CGGBP1: variants seen among roughly 807,000 people sequenced by gnomAD.
The protein encoded by CGGBP1 is CGG triplet repeat-binding protein 1.
Under a neutral mutation model 11.4 loss-of-function variants are expected in CGGBP1, and 4 were observed. The ratio of observed to expected loss-of-function variants is 0.35; its 90% CI spans 0.17 to 0.80. CGGBP1 has a LOEUF of 0.80. Among genes scored for constraint, CGGBP1 ranks in the 30% least tolerant of loss-of-function variants. The pLI is 0.52. For synonymous variants in CGGBP1, 76 were observed against 74.1 expected (o/e 1.03, Z -0.13); for missense variants, 135 against 202.1 (o/e 0.67, Z 2.01).
chr3:88,082,311 G>C (rs1708119943), intron 2 of CGGBP1, among the ~76,000 whole-genome samples: 1 of 152,118 alleles, frequency 6.6e-6, no homozygotes, highest in Non-Finnish European at 1.5e-5. Context: ...ATTTTTAGTA[G>C]TGACAGGGTT....
chr3:88,148,280 G>GT (rs1202803800), intron 1 of CGGBP1, among the ~76,000 whole-genome samples: 1 of 152,098 alleles, frequency 6.6e-6, no homozygotes, highest in Non-Finnish European at 1.5e-5. Context: ...TGCAAGCATT[G>GT]TTTTTTGTCC....
intron 2 of CGGBP1, among the ~76,000 whole-genome samples, chr3:88,121,309 T>G (rs1705755846): frequency 6.6e-6 from 1 of 152,088 alleles, no homozygotes; most frequent in African/African-American, 2.4e-5. Context: ...AGTTGAAAAT[T>G]TTTTCAACAG....
chr3:88,130,530 C>A (rs191433797), intron 2 of CGGBP1, among the ~76,000 whole-genome samples: 1 of 152,084 alleles, frequency 6.6e-6, no homozygotes, highest in Admixed American at 6.6e-5. Context: ...TGGCTCACTG[C>A]AGCCTCAACT....
intron 2 of CGGBP1, among the ~76,000 whole-genome samples, chr3:88,073,801 C>T (rs1434115436): frequency 6.6e-6 from 1 of 152,106 alleles, no homozygotes; most frequent in Non-Finnish European, 1.5e-5. Context: ...CTACAATGTA[C>T]ATTTTTATTA....
intron 2 of CGGBP1, among the ~76,000 whole-genome samples, chr3:88,126,549 T>C (rs567509857): frequency 1.7e-4 from 26 of 151,572 alleles, no homozygotes; most frequent in African/African-American, 5.8e-4. Context: ...ACTTCAGTTA[T>C]ATTATTAAAA....
intron 1 of CGGBP1, among the ~76,000 whole-genome samples, chr3:88,147,116 C>A (rs1359351091): frequency 7.2e-5 from 11 of 152,186 alleles, no homozygotes; most frequent in Non-Finnish European, 1.5e-4. Flanking sequence ...TGGATACCTA[C>A]CATGTGCGGG....
At chr3:88,133,326 T>TCC (rs1441027494) in intron 2 of CGGBP1, among the ~76,000 whole-genome samples, 1 of 152,180 alleles carries the variant, frequency 6.6e-6, no homozygotes, top group Non-Finnish European at 1.5e-5. Context: ...CTCTCTTATT[T>TCC]CCAATTCCAT....
chr3:88,114,840 A>G (rs1323498613), intron 2 of CGGBP1, among the ~76,000 whole-genome samples: 1 of 152,126 alleles, frequency 6.6e-6, no homozygotes, highest in Non-Finnish European at 1.5e-5. Context: ...AAAACCTTGT[A>G]TTTTCCAAGC....
At chr3:88,073,058 T>C (rs1707606449) in intron 2 of CGGBP1, among the ~76,000 whole-genome samples, 1 of 152,174 alleles carries the variant, frequency 6.6e-6, no homozygotes, top group Non-Finnish European at 1.5e-5. Flanking sequence ...TGTGAAAAGA[T>C]GGATGGCATG....
intron 2 of CGGBP1, among the ~76,000 whole-genome samples, chr3:88,084,120 G>A (rs1708223275): frequency 6.6e-6 from 1 of 152,112 alleles, no homozygotes; most frequent in Admixed American, 6.5e-5. Context: ...TGGAGGTGTT[G>A]CCCACAAGGA....
intron 3 of CGGBP1, 51 bp from the exon 4 acceptor site, chr3:88,056,050 G>C: frequency 7.4e-7 from 1 of 1,354,898 alleles, no homozygotes; most frequent in Non-Finnish European, 1.0e-6. Context: ...AGTTCATTCT[G>C]GAAGTAATGA....
chr3:88,133,991 A>G (rs565352121), intron 2 of CGGBP1, among the ~76,000 whole-genome samples: 5 of 152,104 alleles, frequency 3.3e-5, no homozygotes, highest in African/African-American at 1.2e-4. Context: ...GGTTCAGGTG[A>G]TGGAAAGCAA....
At position 88,055,311 on chromosome 3, in the gene CGGBP1, G is replaced by T; in HGVS notation, c.*162C>A. ...GTGACTAAAATTAACAATAAGTTTT[G>T]CAGTGAGGTGGTTTTTTTTTTGCCT... On this transcript the variant is annotated 3_prime_UTR_variant, in exon 4 of 4. Coordinates refer to ENST00000482016, the MANE Select transcript of CGGBP1 (RefSeq NM_001008390.2). This position sits in a 1 kb window ranked among gnomAD's most constrained non-coding sequence, Gnocchi z 4.2. The T allele has an allele frequency of 1.8e-6, 1 of 568,616 alleles. No individual in the cohort carries two copies. Among genetic ancestry groups the T allele is most frequent in the Non-Finnish European group, 2.8e-6 (1 of 356,910 alleles). The allele number at this position is 568,616 out of a possible 1,614,324, so 35.2% of individuals were successfully genotyped here. A position where few individuals can be genotyped will look rare whatever the true frequency, so the allele number is the denominator to read the frequency against.
chr3:88,126,346 T>C (rs1706095772), intron 2 of CGGBP1: 4 of 1,278,596 alleles, frequency 3.1e-6, no homozygotes, highest in East Asian at 5.5e-5. Flanking sequence ...AGAGCAGTAA[T>C]AGTAATTTTT....
chr3:88,114,903 T>G (rs1234328934), intron 2 of CGGBP1, among the ~76,000 whole-genome samples: 1 of 152,214 alleles, frequency 6.6e-6, no homozygotes, highest in Non-Finnish European at 1.5e-5. Context: ...CCAATAGTGA[T>G]AAGTGACTAA....
chr3:88,087,012 G>A (rs568256104), intron 2 of CGGBP1, among the ~76,000 whole-genome samples: 1 of 152,224 alleles, frequency 6.6e-6, no homozygotes, highest in Non-Finnish European at 1.5e-5. Context: ...TTGATCTCCT[G>A]ACCTCGTGAT....
upstream of CGGBP1, among the ~76,000 whole-genome samples, chr3:88,061,960 A>G (rs1382083201): frequency 6.6e-6 from 1 of 152,178 alleles, no homozygotes; most frequent in East Asian, 1.9e-4. Flanking sequence ...GGAAATATGA[A>G]TCAAAATTTC....
intron 1 of CGGBP1, among the ~76,000 whole-genome samples, chr3:88,149,046 T>C (rs897915076): frequency 1.3e-5 from 2 of 152,166 alleles, no homozygotes; most frequent in Admixed American, 6.5e-5. Flanking sequence ...TGATCAAAAA[T>C]AGGACTTAAA....
chr3:88,112,967 T>C (rs1404077931), intron 2 of CGGBP1: 3 of 537,982 alleles, frequency 5.6e-6, no homozygotes, highest in Non-Finnish European at 9.7e-6. Context: ...ACAGAAAACA[T>C]AATATGAATT....
Sources: allele counts gnomAD v4.1 joint callset (sites outside exome capture counted in the v4.1 genomes callset), GRCh38; gene constraint gnomAD v4.1.1; non-coding constraint Gnocchi (gnomAD v3.1); transcripts MANE v1.5; gene names NCBI Gene and HGNC (gene_info 2026-07-23, HGNC 2026-07-21).